MYCBP2: variants seen among roughly 807,000 people sequenced by gnomAD.
MYCBP2 encodes MYC binding protein 2, also known as E3 ubiquitin-protein ligase MYCBP2.
MYCBP2 carries 120 observed loss-of-function variants against 525.3 expected under a neutral mutation model. That is an observed-to-expected ratio of 0.23 (90% CI 0.20 to 0.27). The LOEUF (loss-of-function observed/expected upper bound fraction) is 0.27, where lower values mean the gene tolerates loss of function less well. Ranked by LOEUF, MYCBP2 falls within the 10% of genes least tolerant of loss-of-function variation. MYCBP2 has a pLI of 1.00. For missense variants in MYCBP2, 4,149 were observed against 5,657.1 expected (o/e 0.73, Z 8.55); for synonymous variants, 1,894 against 1,955.8 (o/e 0.97, Z 0.83).
intron 52 of MYCBP2, among the ~76,000 whole-genome samples, chr13:77,137,735 C>T (rs2053978597): frequency 6.6e-6 from 1 of 152,072 alleles, no homozygotes; most frequent in South Asian, 2.1e-4. Context: ...ATTACAGGTG[C>T]CCGCCACCAC....
At chr13:77,142,697 G>C (rs138444193) in intron 49 of MYCBP2, among the ~76,000 whole-genome samples, 2 of 152,284 alleles carry the variant, frequency 1.3e-5, no homozygotes, top group Non-Finnish European at 2.9e-5. Context: ...AATGTAGATT[G>C]TGTGAATGTC....
intron 68 of MYCBP2, among the ~76,000 whole-genome samples, chr13:77,074,803 G>C (rs2042005086): frequency 6.6e-6 from 1 of 152,196 alleles, no homozygotes. Flanking sequence ...TCCAGGAAAA[G>C]GCAACACAAC....
At chr13:77,242,952 T>C (rs1594259329) in intron 17 of MYCBP2, 107 bp downstream of exon 17, 2 of 892,164 alleles carry the variant, frequency 2.2e-6, no homozygotes, top group Non-Finnish European at 1.8e-6. Flanking sequence ...AATTTTAATT[T>C]TGATGATTTC....
chr13:77,077,450 A>AC, intron 66 of MYCBP2, 63 bp from the exon 67 acceptor site: 1 of 1,579,490 alleles, frequency 6.3e-7, no homozygotes, highest in Non-Finnish European at 8.6e-7. Flanking sequence ...ACTGTGCTGG[A>AC]CTTAGCATTG....
intron 55 of MYCBP2, chr13:77,118,385 A>G (rs750151447): frequency 2.6e-6 from 2 of 764,054 alleles, no homozygotes; most frequent in Non-Finnish European, 4.8e-6. Flanking sequence ...CCGAACACAA[A>G]TGGGCTGTGT....
At chr13:77,266,746 G>GAA (rs56408804) in intron 8 of MYCBP2, among the ~76,000 whole-genome samples, 59 of 89,372 alleles carry the variant, frequency 6.6e-4, no homozygotes, top group African/African-American at 1.6e-3. Flanking sequence ...GACTTGTAAT[G>GAA]AAAAAAAAAA....
chr13:77,275,440 A>T (rs2075421968), intron 4 of MYCBP2, among the ~76,000 whole-genome samples: 1 of 152,074 alleles, frequency 6.6e-6, no homozygotes, highest in South Asian at 2.1e-4. Flanking sequence ...AAATGCTGTT[A>T]TTTCTGCCTA....
chr13:77,309,485 A>C (rs1057040948), intron 1 of MYCBP2, among the ~76,000 whole-genome samples: 1 of 152,252 alleles, frequency 6.6e-6, no homozygotes, highest in Non-Finnish European at 1.5e-5. Flanking sequence ...ATCTGAAATC[A>C]TAAGCCTGAG....
rs569802688 is a variant in MYCBP2, at chr13:77,290,208, T to C, written c.379-1832A>G. 2.6e-5 allele frequency among the ~76,000 whole-genome samples: 4 copies of C among 152,212 alleles called. No individual in the cohort carries two copies. In the South Asian group the frequency reaches 8.3e-4, roughly 32 times the overall value. On this transcript the variant is annotated intron_variant, in intron 2 of 82. Coordinates refer to ENST00000544440, the MANE Select transcript of MYCBP2 (RefSeq NM_015057.5). Reference sequence around the variant, plus strand: ...CACCTATCAGAATGGCTAAAATAAATAGTGACAACACCAAATGCTGGTGGG... The same window carrying C: ...CACCTATCAGAATGGCTAAAATAAACAGTGACAACACCAAATGCTGGTGGG...
intron 2 of MYCBP2, among the ~76,000 whole-genome samples, chr13:77,294,131 C>CATATGTATATATATACAT (rs2077884621): frequency 1.5e-5 from 1 of 65,692 alleles, no homozygotes; most frequent in Non-Finnish European, 3.0e-5. Flanking sequence ...TATATATATA[C>CATATGTATATATATACAT]ATATATATAT....
intron 37 of MYCBP2, among the ~76,000 whole-genome samples, chr13:77,173,331 C>T (rs368118401): frequency 2.0e-5 from 3 of 152,272 alleles, no homozygotes; most frequent in South Asian, 4.1e-4. Context: ...GTAACTCTTA[C>T]GCATAACAGA....
intron 63 of MYCBP2, 113 bp from the exon 64 acceptor site, chr13:77,082,106 TA>T (rs2043398050): frequency 1.1e-6 from 1 of 889,848 alleles, no homozygotes; most frequent in Non-Finnish European, 1.6e-6. Context: ...AATGTTCTAG[TA>T]ACAGACATTT....
Position 77,303,762 on chromosome 13 carries a change from G to A in MYCBP2, c.303-7088C>T, listed in dbSNP as rs1324693004. ...CATCTCCTTTTGCATACACATAAAT[G>A]CATATACTGAAAAAAAAAACACTGA... On this transcript the variant is annotated intron_variant, in intron 1 of 82. Transcript: ENST00000544440. Among the ~76,000 whole-genome samples, 56 of 120,062 alleles carry A rather than the reference G, an allele frequency of 4.7e-4. 1 individual carries two copies. The Admixed American group carries it at 5.3e-3, about 11-fold the overall frequency. The allele number at this position is 120,062 out of a possible 152,430, so 78.8% of individuals were successfully genotyped here. A position where few individuals can be genotyped will look rare whatever the true frequency, so the allele number is the denominator to read the frequency against.
intron 35 of MYCBP2, among the ~76,000 whole-genome samples, chr13:77,177,204 T>C (rs1017572931): frequency 6.6e-6 from 1 of 151,798 alleles, no homozygotes; most frequent in South Asian, 2.1e-4. Flanking sequence ...TAAACACTTT[T>C]AGTCTTTAAT....
intron 70 of MYCBP2, among the ~76,000 whole-genome samples, chr13:77,068,154 G>T (rs764866408): frequency 6.6e-6 from 1 of 151,960 alleles, no homozygotes; most frequent in Non-Finnish European, 1.5e-5. Context: ...TTTAAGAAAA[G>T]AAATATGATT....
At chr13:77,108,863 C>G (rs1343868122) in intron 55 of MYCBP2, among the ~76,000 whole-genome samples, 1 of 152,064 alleles carries the variant, frequency 6.6e-6, no homozygotes, top group Non-Finnish European at 1.5e-5. Flanking sequence ...GCCACCACAC[C>G]CAGCTAATTT....
At chr13:77,166,059 C>T (rs919669366) in intron 41 of MYCBP2, among the ~76,000 whole-genome samples, 3 of 152,146 alleles carry the variant, frequency 2.0e-5, no homozygotes, top group African/African-American at 7.2e-5. Flanking sequence ...ACACAGACAG[C>T]TAGCTACTCC....
chr13:77,254,049 T>C (rs56192617), intron 14 of MYCBP2, among the ~76,000 whole-genome samples: 3,393 of 152,022 alleles, frequency 0.022, 56 homozygotes, highest in Middle Eastern at 0.075. Flanking sequence ...TATTACACAT[T>C]AGTTAACATG....
At chr13:77,147,237 A>G (rs2055739677) in intron 47 of MYCBP2, among the ~76,000 whole-genome samples, 2 of 152,052 alleles carry the variant, frequency 1.3e-5, no homozygotes, top group South Asian at 4.1e-4. Context: ...GAATCACTAC[A>G]CTCAGGGCAG....
Sources: allele counts gnomAD v4.1 joint callset (sites outside exome capture counted in the v4.1 genomes callset), GRCh38; gene constraint gnomAD v4.1.1; transcripts MANE v1.5; gene names NCBI Gene and HGNC (gene_info 2026-07-23, HGNC 2026-07-21).